The following TMEM242 variants were observed in gnomAD, a reference collection of about 807,000 sequenced individuals.
TMEM242 encodes the protein UPF0463 transmembrane protein C6orf35.
TMEM242 carries 10 observed loss-of-function variants against 18.2 expected under a neutral mutation model. The observed-to-expected ratio is 0.55, with a 90% CI of 0.34 to 0.93. The LOEUF (loss-of-function observed/expected upper bound fraction) is 0.93, where lower values mean the gene tolerates loss of function less well. Among genes scored for constraint, TMEM242 ranks in the 40% least tolerant of loss-of-function variants. The pLI is 0.02. For missense variants in TMEM242, 186 were observed against 175.5 expected (o/e 1.06, Z -0.34); for synonymous variants, 57 against 69.9 (o/e 0.81, Z 0.92).
chr6:157,293,973 G>A (rs1200584560), intron 3 of TMEM242, among the ~76,000 whole-genome samples: 5 of 152,032 alleles, frequency 3.3e-5, no homozygotes, highest in East Asian at 1.9e-4. Context: ...CTCCCACCTC[G>A]GTCTCCCAAA....
At chr6:157,311,936 A>C (rs868981661) in intron 3 of TMEM242, among the ~76,000 whole-genome samples, 5 of 826 alleles carry the variant, frequency 6.1e-3, no homozygotes, top group Admixed American at 0.02. Context: ...GTGCACGCAT[A>C]CGGCCTCATC....
rs1210858036 is a variant in TMEM242 at position 157,305,433 on chromosome 6, G to A, written c.328-12434C>T. On this transcript the variant is annotated intron_variant, in intron 3 of 3. Coordinates refer to ENST00000400788, the MANE Select transcript of TMEM242 (RefSeq NM_018452.6). The surrounding 1 kb of genome is among the most constrained non-coding windows in gnomAD (Gnocchi z 4.1). ...GTGAGGAAATCAAGTGCTCTAGTTG[G>A]GACATGGGTCATGTGACACGCCTAT... Among the ~76,000 whole-genome samples, 1 of 152,148 alleles carries A rather than the reference G, an allele frequency of 6.6e-6. No homozygotes were observed. The highest frequency in any genetic ancestry group is 1.5e-5 in the Non-Finnish European group (1 of 68,036).
At position 157,305,355 on chromosome 6, in the gene TMEM242, C is replaced by T. The variant is rs1010712280; in HGVS notation, c.328-12356G>A. Among the ~76,000 whole-genome samples the T allele has an allele frequency of 2.6e-5, 4 of 151,898 alleles. No homozygotes were observed. Among genetic ancestry groups the T allele is most frequent in the African/African-American group, 7.3e-5 (3 of 41,322 alleles). ...GGTTTGAAGTGGAAGGATGAGATGA[C>T]GGTGGCATTTACGGAATGGGGAAGA... On this transcript the variant is annotated intron_variant, in intron 3 of 3. Transcript: ENST00000400788. The surrounding 1 kb of genome is among the most constrained non-coding windows in gnomAD (Gnocchi z 4.1).
chr6:157,321,999 C>T (rs1445483105), intron 2 of TMEM242, among the ~76,000 whole-genome samples: 2 of 152,058 alleles, frequency 1.3e-5, no homozygotes, highest in African/African-American at 2.4e-5. Flanking sequence ...ATTATGGTAT[C>T]GATAAGGCTT....
intron 3 of TMEM242, among the ~76,000 whole-genome samples, chr6:157,296,776 C>T (rs587690235): frequency 1.3e-5 from 2 of 152,222 alleles, no homozygotes; most frequent in East Asian, 3.9e-4. Context: ...GTATTACTCC[C>T]CAGTGCCGTG....
In TMEM242 at chr6:157,289,843, C is replaced by CTTT. The variant is rs199836093; in HGVS notation, c.*3057_*3058insAAA. 0.042 allele frequency: 6,461 copies of CTTT among 152,348 alleles called. 176 individuals carry two copies. Among genetic ancestry groups the CTTT allele is most frequent in the Admixed American group, 0.05 (764 of 15,304 alleles). 9.4% of individuals were successfully genotyped at this position (152,348 alleles called of 1,614,324 possible). On this transcript the variant is annotated 3_prime_UTR_variant, in exon 4 of 4. Coordinates refer to ENST00000400788, the MANE Select transcript of TMEM242 (RefSeq NM_018452.6). ...CTTTTGACTAAGCAGGCAAAGTGCCCTTAACGCCAGCCTGGGCCCATGCCC... is the reference window on the plus strand; with the variant it reads ...CTTTTGACTAAGCAGGCAAAGTGCCCTTTTTAACGCCAGCCTGGGCCCATGCCC...
At chr6:157,316,170 A>G (rs1554250316) in intron 3 of TMEM242, among the ~76,000 whole-genome samples, 2 of 152,224 alleles carry the variant, frequency 1.3e-5, no homozygotes. Flanking sequence ...CAGTTCATGT[A>G]AAGTGCTAGC....
intron 3 of TMEM242, 87 bp downstream of exon 3, chr6:157,318,695 G>A (rs183902243): frequency 1.9e-6 from 3 of 1,544,304 alleles, no homozygotes; most frequent in East Asian, 4.5e-5. Flanking sequence ...CAAACTACAT[G>A]CAAATAAATT....
At chr6:157,296,654 GC>G (rs1777753757) in intron 3 of TMEM242, among the ~76,000 whole-genome samples, 1 of 152,218 alleles carries the variant, frequency 6.6e-6, no homozygotes, top group African/African-American at 2.4e-5. Flanking sequence ...CTGCACTCCA[GC>G]CTGGGCCACA....
chr6:157,322,746 ATGT>A lies in TMEM242; in HGVS notation c.145_147del (p.Thr49del), dbSNP rs1778516113. 12 of 1,614,066 alleles carry A rather than the reference ATGT, an allele frequency of 7.4e-6. No individual in the cohort carries two copies. Among genetic ancestry groups the A allele is most frequent in the Non-Finnish European group, 9.3e-6 (11 of 1,179,974 alleles). On this transcript the variant is annotated inframe_deletion, in exon 2 of 4. Transcript: ENST00000400788. Reference sequence around the variant, plus strand: ...GGGCTTTTCTTTTTAGCCAATGATAATGTTGTAATAAATCCAGCTAGCATTCCC... The same window carrying A: ...GGGCTTTTCTTTTTAGCCAATGATAATGTAATAAATCCAGCTAGCATTCCC...
intron 3 of TMEM242, among the ~76,000 whole-genome samples, chr6:157,297,844 T>C (rs1777771223): frequency 6.6e-6 from 1 of 152,264 alleles, no homozygotes; most frequent in Admixed American, 6.5e-5. Flanking sequence ...GGAAAGCGAA[T>C]GTGAATTTTT....
rs1340239831 is a variant in TMEM242, at chr6:157,289,832, G to A, written c.*3069C>T. 1 of 151,856 alleles carries A rather than the reference G, an allele frequency of 6.6e-6. No individual in the cohort carries two copies. The highest frequency in any genetic ancestry group is 1.5e-5 in the Non-Finnish European group (1 of 67,926). The allele number at this position is 151,856 out of a possible 1,614,324, so 9.4% of individuals were successfully genotyped here. ...TTCGATGCCACCTTTTGACTAAGCA[G>A]GCAAAGTGCCCTTAACGCCAGCCTG... is the stretch of plus-strand genomic sequence containing the variant. On this transcript the variant is annotated 3_prime_UTR_variant, in exon 4 of 4. Transcript: ENST00000400788.
intron 3 of TMEM242, chr6:157,318,469 T>C (rs1016516884): frequency 2.0e-5 from 7 of 358,860 alleles, no homozygotes; most frequent in Non-Finnish European, 2.0e-5. Context: ...GTGATTTGCC[T>C]GCCGCAGGCT....
intron 3 of TMEM242, among the ~76,000 whole-genome samples, chr6:157,308,225 A>G (rs1714791283): frequency 6.6e-6 from 1 of 152,222 alleles, no homozygotes; most frequent in Admixed American, 6.5e-5. Flanking sequence ...TTTGAGGTGA[A>G]TAGGTAAAAA....
Position 157,291,453 on chromosome 6 carries a change from C to G in TMEM242, c.*1448G>C, listed in dbSNP as rs1211086146. 5.3e-5 allele frequency: 8 copies of G among 152,218 alleles called. No homozygotes were observed. Among genetic ancestry groups the G allele is most frequent in the Non-Finnish European group, 8.8e-5 (6 of 68,036 alleles). 9.4% of individuals were successfully genotyped at this position (152,218 alleles called of 1,614,324 possible). A position where few individuals can be genotyped will look rare whatever the true frequency, so the allele number is the denominator to read the frequency against. ...CCTAGATTCAGACTAATTGTATGGA[C>G]GAAAACCTGTTCCTTTGGCTCCTGC... On this transcript the variant is annotated 3_prime_UTR_variant, in exon 4 of 4. Coordinates refer to ENST00000400788, the MANE Select transcript of TMEM242 (RefSeq NM_018452.6).
rs140805273 is a variant in TMEM242 at position 157,300,943 on chromosome 6, A to G, written c.328-7944T>C. On this transcript the variant is annotated intron_variant, in intron 3 of 3. Transcript: ENST00000400788. ...ATTATTGACCAAAGTAGTGAAATAA[A>G]TGATCTAGTACAACGTGGCATCAGT... is the stretch of plus-strand genomic sequence containing the variant. Among the ~76,000 whole-genome samples, 3 of 152,336 alleles carry G rather than the reference A, an allele frequency of 2.0e-5. No individual in the cohort carries two copies. The East Asian group carries it at 5.8e-4, about 29-fold the overall frequency.
intron 3 of TMEM242, among the ~76,000 whole-genome samples, chr6:157,313,895 G>C: frequency 1.3e-4 from 1 of 7,740 alleles, no homozygotes; most frequent in African/African-American, 4.7e-4. Context: ...CCCAGTGTGC[G>C]CTCACCTGGC....
intron 3 of TMEM242, chr6:157,299,752 T>C: frequency 6.2e-7 from 1 of 1,601,486 alleles, no homozygotes; most frequent in Non-Finnish European, 8.6e-7. Flanking sequence ...TGGAGTTTGC[T>C]GTGACAAGGT....
chr6:157,322,748 G>A lies in TMEM242; in HGVS notation c.146C>T (p.Thr49Ile), dbSNP rs782426880. The change falls in exon 2 of 4, where the codon ACA becomes ATA. Residue 49 changes from threonine (T) to isoleucine (I), a missense_variant. By Grantham distance (89) the Thr-to-Ile change is moderately conservative. Transcript: ENST00000400788. ...AAGMLAGFIT[T>I]LSLAKKKSPE... ...GCTTTTCTTTTTAGCCAATGATAAT[G>A]TTGTAATAAATCCAGCTAGCATTCC... 35 of 1,613,780 alleles carry A rather than the reference G, an allele frequency of 2.2e-5. No individual in the cohort carries two copies. The highest frequency in any genetic ancestry group is 2.8e-5 in the Non-Finnish European group (33 of 1,179,966).
Sources: gnomAD v4.1 joint callset for allele counts (sites outside exome capture counted in the v4.1 genomes callset) on GRCh38, gnomAD v4.1.1 for gene constraint, Gnocchi (gnomAD v3.1) non-coding constraint, MANE v1.5 for transcripts, NCBI Gene and HGNC (gene_info 2026-07-23, HGNC 2026-07-21) for gene names.